The following BMPR1A variants were observed in gnomAD, a reference collection of about 807,000 sequenced individuals.
The protein encoded by BMPR1A is bone morphogenetic protein receptor type 1A, also known as bone morphogenetic protein receptor type-1A.
BMPR1A carries 7 observed loss-of-function variants against 66.0 expected under a neutral mutation model. The ratio of observed to expected loss-of-function variants is 0.11; its 90% CI spans 0.06 to 0.20. The LOEUF (loss-of-function observed/expected upper bound fraction) is 0.20. Among genes scored for constraint, BMPR1A ranks in the 10% least tolerant of loss-of-function variants. The probability of loss-of-function intolerance (pLI) is 1.00; values close to 1 mark genes in which losing one functional copy is unlikely to be tolerated. For missense variants in BMPR1A, 408 were observed against 669.1 expected (o/e 0.61, Z 4.31); for synonymous variants, 200 against 229.7 (o/e 0.87, Z 1.17).
chr10:86,808,262 T>C (rs556321101), intron 1 of BMPR1A, among the ~76,000 whole-genome samples: 36 of 152,314 alleles, frequency 2.4e-4, no homozygotes, highest in South Asian at 1.2e-3. Context: ...AGTGATCTTT[T>C]TTTTCATTTC....
chr10:86,846,658 G>A (rs1025531385), intron 2 of BMPR1A, among the ~76,000 whole-genome samples: 7 of 152,008 alleles, frequency 4.6e-5, no homozygotes, highest in African/African-American at 1.2e-4. Flanking sequence ...CCAAGATTGC[G>A]CCACTGCACT....
At chr10:86,837,257 G>C (rs1328170832) in intron 1 of BMPR1A, among the ~76,000 whole-genome samples, 3 of 151,416 alleles carry the variant, frequency 2.0e-5, no homozygotes, top group East Asian at 1.9e-4. Context: ...CTGTGTGTGT[G>C]TGTGTGTGTG....
intron 1 of BMPR1A, among the ~76,000 whole-genome samples, chr10:86,815,019 C>T (rs1035576518): frequency 7.2e-5 from 11 of 152,138 alleles, no homozygotes; most frequent in African/African-American, 2.4e-4. Flanking sequence ...CTCCTGACCT[C>T]GTGGTCTGCC....
intron 1 of BMPR1A, among the ~76,000 whole-genome samples, chr10:86,823,478 G>C (rs1842148413): frequency 6.6e-6 from 1 of 152,196 alleles, no homozygotes; most frequent in African/African-American, 2.4e-5. Context: ...TGGCTACAGA[G>C]CCCATGCTCT....
intron 7 of BMPR1A, among the ~76,000 whole-genome samples, chr10:86,911,964 TA>T (rs752513220): frequency 6.6e-6 from 1 of 152,210 alleles, no homozygotes; most frequent in Non-Finnish European, 1.5e-5. Flanking sequence ...TTTGAAGTCG[TA>T]TTTTTTTATA....
chr10:86,911,110 G>A (rs1240187), intron 7 of BMPR1A, among the ~76,000 whole-genome samples: 5,662 of 145,104 alleles, frequency 0.039, 141 homozygotes, highest in Non-Finnish European at 0.056. Flanking sequence ...AGCTGAGATC[G>A]TGCCACTACA....
In BMPR1A at chr10:86,892,301, G is replaced by T. The variant is rs184442043; in HGVS notation, c.333+72G>T. On this transcript the variant is annotated intron_variant, in intron 5 of 12. Transcript: ENST00000372037. ...ATGAAAGCATCGATTTCCCCCAGGA[G>T]AAACATGCCTGGTGTACACATCGCT... 6.8e-5 allele frequency: 82 copies of T among 1,198,604 alleles called. No homozygotes were observed. The East Asian group carries it at 9.4e-4, about 14-fold the overall frequency. 74.2% of individuals were successfully genotyped at this position (1,198,604 alleles called of 1,614,324 possible). A position where few individuals can be genotyped will look rare whatever the true frequency, so the allele number is the denominator to read the frequency against.
rs1843764973 is a variant in BMPR1A, at chr10:86,927,837, G to C, written c.*4118G>C. 5.1e-6 allele frequency: 1 copy of C among 196,976 alleles called. No individual in the cohort carries two copies. The highest frequency in any genetic ancestry group is 2.3e-5 in the African/African-American group (1 of 43,276). The allele number at this position is 196,976 out of a possible 1,614,324, so 12.2% of individuals were successfully genotyped here. ...AAAAATATAGATTCGTCTTTGACGT[G>C]TAACACACTAAATGTATTTTGTACA... On this transcript the variant is annotated 3_prime_UTR_variant, in exon 13 of 13. Coordinates refer to ENST00000372037, the MANE Select transcript of BMPR1A (RefSeq NM_004329.3).
intron 1 of BMPR1A, among the ~76,000 whole-genome samples, chr10:86,824,729 T>TAAAAA (rs34880018): frequency 1.3e-3 from 198 of 152,368 alleles, no homozygotes; most frequent in Non-Finnish European, 2.0e-3. Flanking sequence ...TTGGGTTTTT[T>TAAAAA]ATGAAGATAA....
intron 1 of BMPR1A, among the ~76,000 whole-genome samples, chr10:86,793,739 CT>C (rs1841664783): frequency 6.6e-6 from 1 of 151,340 alleles, no homozygotes. Flanking sequence ...AATTACCATA[CT>C]TTTAGTGGTT....
chr10:86,757,393 C>CCCCGAGCT (rs749575022), intron 1 of BMPR1A, among the ~76,000 whole-genome samples: 17 of 152,174 alleles, frequency 1.1e-4, no homozygotes, highest in Non-Finnish European at 2.4e-4. Flanking sequence ...GGGCCCTGGC[C>CCCCGAGCT]CCCGAGCTCC....
intron 2 of BMPR1A, among the ~76,000 whole-genome samples, chr10:86,868,150 CT>C (rs1367831981): frequency 1.3e-5 from 2 of 152,166 alleles, no homozygotes; most frequent in East Asian, 1.9e-4. Flanking sequence ...TATTGTAAAA[CT>C]TTCTAAAACA....
intron 9 of BMPR1A, 109 bp from the exon 10 acceptor site, chr10:86,919,063 C>A: frequency 8.1e-7 from 1 of 1,232,578 alleles, no homozygotes; most frequent in Non-Finnish European, 1.2e-6. Context: ...ATTAAAGTTT[C>A]ACTATCTGCA....
chr10:86,877,355 C>T (rs567112391), intron 3 of BMPR1A, among the ~76,000 whole-genome samples: 1 of 152,004 alleles, frequency 6.6e-6, no homozygotes, highest in East Asian at 1.9e-4. Context: ...TTACAGGCGC[C>T]CACCATCACG....
intron 3 of BMPR1A, among the ~76,000 whole-genome samples, chr10:86,885,823 A>C (rs1843060815): frequency 6.6e-6 from 1 of 152,232 alleles, no homozygotes; most frequent in Non-Finnish European, 1.5e-5. Flanking sequence ...GGCAGAGGGC[A>C]TTTATTTGCT....
chr10:86,912,882 T>C (rs1156401526), intron 8 of BMPR1A, among the ~76,000 whole-genome samples: 1 of 151,904 alleles, frequency 6.6e-6, no homozygotes, highest in Non-Finnish European at 1.5e-5. Context: ...CATAGTTCAA[T>C]AAAAAATAAT....
In BMPR1A at chr10:86,890,205, G is replaced by A. The variant is rs1589763471; in HGVS notation, c.211G>A (p.Ala71Thr). ...TTGCTCAGGGCACTGTCCAGATGAT[G>A]CTATTAATAACACATGCATGTAAGT... ...CYCSGHCPDDAINNTCITNGH... is the reference protein window; with the variant it reads ...CYCSGHCPDDTINNTCITNGH... The change falls in exon 4 of 13, where the codon GCT becomes ACT. Residue 71 changes from alanine (A) to threonine (T), a missense_variant. Physicochemically the swap from Ala to Thr is moderately conservative, Grantham distance 58. Coordinates refer to ENST00000372037, the MANE Select transcript of BMPR1A (RefSeq NM_004329.3). 1 of 1,614,116 alleles carries A rather than the reference G, an allele frequency of 6.2e-7. No homozygotes were observed. The highest frequency in any genetic ancestry group is 8.5e-7 in the Non-Finnish European group (1 of 1,179,996).
At chr10:86,898,475 A>T (rs1048636827) in intron 5 of BMPR1A, among the ~76,000 whole-genome samples, 1 of 152,206 alleles carries the variant, frequency 6.6e-6, no homozygotes, top group Non-Finnish European at 1.5e-5. Context: ...ACGCATCGTA[A>T]GATCTCTTCG....
intron 1 of BMPR1A, among the ~76,000 whole-genome samples, chr10:86,772,108 G>T: frequency 6.8e-6 from 1 of 146,270 alleles, no homozygotes. Context: ...ATGTTTAATT[G>T]GCGATGGTCA....
Sources: gnomAD v4.1 joint callset for allele counts (sites outside exome capture counted in the v4.1 genomes callset) on GRCh38, gnomAD v4.1.1 for gene constraint, MANE v1.5 for transcripts, NCBI Gene and HGNC (gene_info 2026-07-23, HGNC 2026-07-21) for gene names.